LPAR1: variants seen among roughly 807,000 people sequenced by gnomAD.
LPAR1 encodes lysophosphatidic acid receptor 1, also known as LPA receptor 1.
In LPAR1, 5 loss-of-function variants were observed where a neutral mutation model predicts 23.8. The observed-to-expected ratio is 0.21, with a 90% CI of 0.11 to 0.44. LPAR1 has a LOEUF of 0.44. Among genes scored for constraint, LPAR1 ranks in the 20% least tolerant of loss-of-function variants. The pLI, the probability that LPAR1 is intolerant of heterozygous loss-of-function variation, is 0.99. For synonymous variants in LPAR1, 160 were observed against 164.7 expected (o/e 0.97, Z 0.22); for missense variants, 311 against 482.8 (o/e 0.64, Z 3.33).
intron 2 of LPAR1, among the ~76,000 whole-genome samples, chr9:111,035,843 T>A (rs1170754588): frequency 6.6e-6 from 1 of 152,216 alleles, no homozygotes; most frequent in Non-Finnish European, 1.5e-5. Flanking sequence ...ATACAGTGTA[T>A]TCTGCCCAGA....
At chr9:111,023,050 CAACAAA>C (rs1236078614) in intron 2 of LPAR1, among the ~76,000 whole-genome samples, 12 of 104,792 alleles carry the variant, frequency 1.1e-4, no homozygotes, top group Non-Finnish European at 1.8e-4. Context: ...GACTCCGTCT[CAACAAA>C]AAAAAAAAAA....
chr9:110,992,939 G>A (rs766683745), intron 2 of LPAR1, among the ~76,000 whole-genome samples: 2 of 152,010 alleles, frequency 1.3e-5, no homozygotes, highest in African/African-American at 2.4e-5. Context: ...ATATGCATAC[G>A]TCAAAACAAA....
At chr9:110,928,833 T>C (rs2094214105) in intron 5 of LPAR1, among the ~76,000 whole-genome samples, 1 of 152,242 alleles carries the variant, frequency 6.6e-6, no homozygotes, top group African/African-American at 2.4e-5. Flanking sequence ...TTCTGGACTG[T>C]TCACTTCATC....
In LPAR1 at chr9:110,875,576, G is replaced by T. The variant is rs773653971; in HGVS notation, c.940C>A (p.Arg314Ser). The change falls in exon 6 of 6, where the codon CGC becomes AGC. Residue 314 changes from arginine to serine, a missense_variant. Physicochemically the swap from Arg to Ser is moderately radical, Grantham distance 110 (BLOSUM62 -1). Around this residue, in one of 2 missense-constraint regions of LPAR1, gnomAD observed 250 missense variants for 427.2 expected, o/e 0.59. Coordinates refer to ENST00000683809, the MANE Select transcript of LPAR1 (RefSeq NM_001351411.2). ...SAMNPIIYSY[R>S]DKEMSATFRQ... is the part of the protein sequence containing the mutation. The stretch of plus-strand genomic sequence containing the variant: ...AAGGTGGCGCTCATTTCTTTGTCGC[G>T]GTAGGAGTAAATGATGGGGTTCATG... The T allele has an allele frequency of 1.2e-6, 2 of 1,614,042 alleles. No individual in the cohort carries two copies. The highest frequency in any genetic ancestry group is 1.7e-6 in the Non-Finnish European group (2 of 1,179,976).
intron 5 of LPAR1, among the ~76,000 whole-genome samples, chr9:110,905,333 T>G (rs2134054526): frequency 7.1e-6 from 1 of 141,504 alleles, no homozygotes; most frequent in African/African-American, 2.6e-5. Context: ...AAAATATGCC[T>G]TTGCTTTTTT....
At chr9:110,947,333 T>C (rs2095417813) in intron 4 of LPAR1, among the ~76,000 whole-genome samples, 1 of 152,146 alleles carries the variant, frequency 6.6e-6, no homozygotes, top group Admixed American at 6.5e-5. Context: ...AAAACATAAA[T>C]AAGATAGCAT....
intron 2 of LPAR1, among the ~76,000 whole-genome samples, chr9:111,032,907 A>T (rs1326984762): frequency 6.6e-6 from 1 of 152,128 alleles, no homozygotes; most frequent in Non-Finnish European, 1.5e-5. Flanking sequence ...ATTAGTCAAA[A>T]TTTTTTCTTT....
intron 2 of LPAR1, among the ~76,000 whole-genome samples, chr9:110,997,366 A>G (rs1389104125): frequency 1.3e-5 from 2 of 152,232 alleles, no homozygotes; most frequent in Non-Finnish European, 2.9e-5. Flanking sequence ...TTTTACTCTG[A>G]GCTCTCTGGT....
intron 5 of LPAR1, among the ~76,000 whole-genome samples, chr9:110,881,838 G>A (rs762652232): frequency 1.2e-4 from 18 of 152,074 alleles, no homozygotes; most frequent in Non-Finnish European, 1.5e-4. Flanking sequence ...ACCCTCCAAA[G>A]TCTTCCTACT....
At chr9:110,999,378 C>T (rs752620352) in intron 2 of LPAR1, 8 of 455,766 alleles carry the variant, frequency 1.8e-5, no homozygotes, top group Non-Finnish European at 3.1e-5. Context: ...AAGGTTCAGA[C>T]CTCCCCCACC....
chr9:110,972,029 A>C, intron 4 of LPAR1, 44 bp downstream of exon 4: 1 of 1,559,002 alleles, frequency 6.4e-7, no homozygotes, highest in Non-Finnish European at 8.8e-7. Flanking sequence ...AATATTTGAC[A>C]AACTTACGAT....
At chr9:110,937,640 T>C (rs1036856975) in intron 5 of LPAR1, among the ~76,000 whole-genome samples, 15 of 152,232 alleles carry the variant, frequency 9.9e-5, no homozygotes, top group African/African-American at 3.6e-4. Flanking sequence ...TAAGATCCAG[T>C]ACTCACTCAA....
intron 5 of LPAR1, among the ~76,000 whole-genome samples, chr9:110,933,740 C>T (rs2094531058): frequency 6.6e-6 from 1 of 152,164 alleles, no homozygotes; most frequent in African/African-American, 2.4e-5. Flanking sequence ...TTTGGATGAA[C>T]AAGAGTCTCG....
At chr9:110,995,269 C>T (rs2096975599) in intron 2 of LPAR1, among the ~76,000 whole-genome samples, 1 of 151,944 alleles carries the variant, frequency 6.6e-6, no homozygotes, top group South Asian at 2.1e-4. Flanking sequence ...AATAAGAAAC[C>T]CAGTTTCCTT....
At chr9:110,929,471 C>T (rs1309939799) in intron 5 of LPAR1, among the ~76,000 whole-genome samples, 13 of 152,104 alleles carry the variant, frequency 8.5e-5, no homozygotes, top group Non-Finnish European at 1.5e-5. Flanking sequence ...TACAACATTA[C>T]CTGTTCATAA....
chr9:110,957,580 C>T (rs1052449402), intron 4 of LPAR1, among the ~76,000 whole-genome samples: 3 of 152,052 alleles, frequency 2.0e-5, no homozygotes, highest in African/African-American at 7.2e-5. Context: ...ATAAAAGGAA[C>T]ATACCTTAAC....
Position 110,875,401 on chromosome 9 carries a change from T to C in LPAR1, c.*20A>G. 1 of 1,593,056 alleles carries C rather than the reference T, an allele frequency of 6.3e-7. No homozygotes were observed. The highest frequency in any genetic ancestry group is 8.6e-7 in the Non-Finnish European group (1 of 1,165,998). On this transcript the variant is annotated 3_prime_UTR_variant, in exon 6 of 6. Coordinates refer to ENST00000683809, the MANE Select transcript of LPAR1 (RefSeq NM_001351411.2). ...TATCCTCCAAGAGAGGACGGCTGGT[T>C]CCTCATCTCAGTTTCCGTTCTAAAC...
At chr9:110,886,558 C>T (rs968243983) in intron 5 of LPAR1, among the ~76,000 whole-genome samples, 14 of 151,932 alleles carry the variant, frequency 9.2e-5, no homozygotes, top group Non-Finnish European at 1.9e-4. Flanking sequence ...ACACATATAA[C>T]ACATAACATG....
In LPAR1 at chr9:110,886,906, G is replaced by A. The variant is rs138960429; in HGVS notation, c.794-11184C>T. Among the ~76,000 whole-genome samples the A allele has an allele frequency of 2.8e-3, 429 of 152,242 alleles. 1 individual carries two copies. Among genetic ancestry groups the A allele is most frequent in the African/African-American group, 9.7e-3 (404 of 41,544 alleles). On this transcript the variant is annotated intron_variant, in intron 5 of 5. Transcript: ENST00000683809. ...GTGATACTAAACTAATTGCATGACT[G>A]TGGTCCAACTGTTACTAAGGTGATT... is the stretch of plus-strand genomic sequence containing the variant.
Sources: allele counts gnomAD v4.1 joint callset (sites outside exome capture counted in the v4.1 genomes callset), GRCh38; gene constraint gnomAD v4.1.1; regional missense constraint gnomAD v4.1.1; transcripts MANE v1.5; gene names NCBI Gene and HGNC (gene_info 2026-07-23, HGNC 2026-07-21).